The following SLC25A32 variants were observed in gnomAD, a reference collection of about 807,000 sequenced individuals.
SLC25A32 encodes Glycine auxotroph B, complementation of hamster.
A neutral mutation model predicts 39.0 loss-of-function variants in SLC25A32; 32 were observed. The observed-to-expected ratio is 0.82, with a 90% confidence interval of 0.62 to 1.10. The LOEUF is 1.10. Among genes scored for constraint, SLC25A32 ranks in the 50% least tolerant of loss-of-function variants. SLC25A32 has a pLI of 0.00. For synonymous variants in SLC25A32, 166 were observed against 152.4 expected (o/e 1.09, Z -0.66); for missense variants, 367 against 395.3 (o/e 0.93, Z 0.61).
At chr8:103,408,386 T>C (rs990844427) in intron 1 of SLC25A32, among the ~76,000 whole-genome samples, 1 of 152,334 alleles carries the variant, frequency 6.6e-6, no homozygotes, top group African/African-American at 2.4e-5. Flanking sequence ...AATATTAGAT[T>C]AGCTCTTAAT....
rs766544817 is a variant in SLC25A32 at position 103,414,919 on chromosome 8, A to ACTGGCC, written c.13_18dup (p.Gly5_Gln6dup). The ACTGGCC allele has an allele frequency of 3.5e-5, 57 of 1,608,342 alleles. No homozygotes were observed. The Middle Eastern group carries it at 4.9e-4, about 14-fold the overall frequency. ...CTCCACGCCGACGACCCGGACGCCGACTGGCCCTGGCCCGTCATAGGCTCG... is the reference window on the plus strand; with the variant it reads ...CTCCACGCCGACGACCCGGACGCCGACTGGCCCTGGCCCTGGCCCGTCATAGGCTCG... On this transcript the variant is annotated inframe_insertion, in exon 1 of 7. Transcript: ENST00000297578.
chr8:103,405,567 A>C (rs1816311530), intron 2 of SLC25A32, among the ~76,000 whole-genome samples: 1 of 152,198 alleles, frequency 6.6e-6, no homozygotes. Context: ...TATCCATTAA[A>C]TGTTTCAGAG....
Position 103,415,066 on chromosome 8 carries a change from T to C in SLC25A32, c.-129A>G, listed in dbSNP as rs374257876. 3 of 1,607,064 alleles carry C rather than the reference T, an allele frequency of 1.9e-6. No homozygotes were observed. In the African/African-American group the frequency reaches 4.0e-5, roughly 22 times the overall value. The stretch of plus-strand genomic sequence containing the variant: ...ACCTCCGGGACCAACGAGAGGACTC[T>C]TATGCCCAAGGCGCGTGAGCGAAGC... On this transcript the variant is annotated 5_prime_UTR_variant, in exon 1 of 7. Coordinates refer to ENST00000297578, the MANE Select transcript of SLC25A32 (RefSeq NM_030780.5).
rs557941952 is a variant in SLC25A32 at position 103,400,094 on chromosome 8, A to T, written c.*317T>A. 2 of 318,640 alleles carry T rather than the reference A, an allele frequency of 6.3e-6. No homozygotes were observed. Among genetic ancestry groups the T allele is most frequent in the South Asian group, 3.7e-5 (1 of 26,824 alleles). The allele number at this position is 318,640 out of a possible 1,614,324, so 19.7% of individuals were successfully genotyped here. ...CTCACAAAAAGAAGTACATTCATCT[A>T]ATCCATTTAGCAAATGTTGCAAATC... On this transcript the variant is annotated 3_prime_UTR_variant, in exon 7 of 7. Coordinates refer to ENST00000297578, the MANE Select transcript of SLC25A32 (RefSeq NM_030780.5).
chr8:103,409,396 T>C (rs932819556), intron 1 of SLC25A32, among the ~76,000 whole-genome samples: 1 of 152,116 alleles, frequency 6.6e-6, no homozygotes, highest in African/African-American at 2.4e-5. Context: ...CTTATAGATA[T>C]CCCATGATTT....
At chr8:103,411,770 T>C (rs1250687860) in intron 1 of SLC25A32, among the ~76,000 whole-genome samples, 3 of 152,226 alleles carry the variant, frequency 2.0e-5, no homozygotes, top group Non-Finnish European at 4.4e-5. Context: ...TGGTCTCTTA[T>C]TCCTAACATC....
At chr8:103,400,982 C>T (rs1362373447) in intron 6 of SLC25A32, among the ~76,000 whole-genome samples, 2 of 152,192 alleles carry the variant, frequency 1.3e-5, no homozygotes, top group East Asian at 1.9e-4. Context: ...CACTTAGGTG[C>T]TCATTAAATA....
At position 103,412,855 on chromosome 8, in the gene SLC25A32, A is replaced by T. The variant is rs143528036; in HGVS notation, c.154+1929T>A. Among the ~76,000 whole-genome samples, 19 of 152,338 alleles carry T rather than the reference A, an allele frequency of 1.2e-4. 1 individual carries two copies. The highest frequency in any genetic ancestry group is 3.6e-4 in the African/African-American group (15 of 41,584). On this transcript the variant is annotated intron_variant, in intron 1 of 6. Transcript: ENST00000297578. ...GAATTAACCCCCACACCCTGTCATC[A>T]TTAGATTTTAACTTTATTAAATGAG...
Position 103,400,245 on chromosome 8 carries a change from G to T in SLC25A32, c.*166C>A. ...TCCATATATATGGGGAAGGCAAAAA[G>T]CAAGAAAAACATTGCAGGAGACTTA... On this transcript the variant is annotated 3_prime_UTR_variant, in exon 7 of 7. Transcript: ENST00000297578. The T allele has an allele frequency of 3.3e-6, 2 of 604,212 alleles. No homozygotes were observed. The highest frequency in any genetic ancestry group is 2.1e-5 in the South Asian group (1 of 47,856). 37.4% of individuals were successfully genotyped at this position (604,212 alleles called of 1,614,324 possible).
At chr8:103,407,852 A>G (rs1816365831) in intron 1 of SLC25A32, 68 bp from the exon 2 acceptor site, 1 of 1,354,470 alleles carries the variant, frequency 7.4e-7, no homozygotes, top group Non-Finnish European at 1.0e-6. Flanking sequence ...ATAAACACAG[A>G]CACTGTACAA....
intron 3 of SLC25A32, among the ~76,000 whole-genome samples, 154 bp downstream of exon 3, chr8:103,404,618 AAAAC>A (rs373521363): frequency 9.9e-4 from 151 of 152,258 alleles, no homozygotes; most frequent in African/African-American, 3.3e-3. Context: ...CAAAAACCGA[AAAAC>A]AAACAAACAA....
chr8:103,402,444 AAAAT>A, intron 4 of SLC25A32: 1 of 153,502 alleles, frequency 6.5e-6, no homozygotes, highest in Non-Finnish European at 1.5e-5. Flanking sequence ...AAAAAACATA[AAAAT>A]AATATATTTA....
In SLC25A32 at chr8:103,400,321, G is replaced by A. The variant is rs1281961287; in HGVS notation, c.*90C>T. 2.7e-6 allele frequency: 4 copies of A among 1,457,156 alleles called. No homozygotes were observed. The highest frequency in any genetic ancestry group is 1.4e-5 in the African/African-American group (1 of 70,386). The allele number at this position is 1,457,156 out of a possible 1,614,324, so 90.3% of individuals were successfully genotyped here. On this transcript the variant is annotated 3_prime_UTR_variant, in exon 7 of 7. Transcript: ENST00000297578. The stretch of plus-strand genomic sequence containing the variant: ...TAGAGCAATTTCGAATATGAGCCAT[G>A]TTTCTATGCAGAATTCTTCTTTTAT...
chr8:103,413,770 ATAT>A (rs1816520523), intron 1 of SLC25A32, among the ~76,000 whole-genome samples: 1 of 152,174 alleles, frequency 6.6e-6, no homozygotes, highest in Non-Finnish European at 1.5e-5. Context: ...AGCTGTCAAA[ATAT>A]TAGCCCTTCT....
At chr8:103,412,692 G>A (rs922525566) in intron 1 of SLC25A32, among the ~76,000 whole-genome samples, 2 of 151,842 alleles carry the variant, frequency 1.3e-5, no homozygotes, top group South Asian at 2.1e-4. Context: ...TTTCTCTCCC[G>A]AGCTAAACTA....
intron 1 of SLC25A32, among the ~76,000 whole-genome samples, chr8:103,414,318 A>G (rs1816537519): frequency 6.6e-6 from 1 of 152,218 alleles, no homozygotes; most frequent in Admixed American, 6.5e-5. Context: ...AATGCCAAAA[A>G]ACAAACATTC....
At chr8:103,404,696 T>C in intron 3 of SLC25A32, 80 bp downstream of exon 3, 2 of 882,868 alleles carry the variant, frequency 2.3e-6, no homozygotes, top group South Asian at 3.0e-5. Flanking sequence ...AACTCAGGTG[T>C]TCAAAGAAAA....
chr8:103,405,634 T>C (rs186444778), intron 2 of SLC25A32, among the ~76,000 whole-genome samples: 27 of 152,282 alleles, frequency 1.8e-4, no homozygotes, highest in African/African-American at 3.6e-4. Flanking sequence ...TTCTCTTGGA[T>C]GACGATGTCA....
intron 1 of SLC25A32, among the ~76,000 whole-genome samples, chr8:103,413,847 T>C (rs973274113): frequency 6.6e-6 from 1 of 152,234 alleles, no homozygotes; most frequent in Non-Finnish European, 1.5e-5. Flanking sequence ...ATCAGTAATG[T>C]AGAATTTTCT....
Sources: gnomAD v4.1 joint callset for allele counts (sites outside exome capture counted in the v4.1 genomes callset) on GRCh38, gnomAD v4.1.1 for gene constraint, MANE v1.5 for transcripts, NCBI Gene and HGNC (gene_info 2026-07-23, HGNC 2026-07-21) for gene names.